Variants in RPSA2 observed in about 807,000 individuals in gnomAD.
RPSA2 encodes the protein ribosomal protein SA 2, also known as small ribosomal subunit protein uS2B.
At chr19:23,853,334 A>G in the RPSA2 span, among the ~76,000 whole-genome samples, 12 of 151,700 alleles carry the variant, frequency 7.9e-5, no homozygotes, top group Non-Finnish European at 1.0e-4. Context: ...CCCTTAAATC[A>G]GTTACCATCC....
the RPSA2 span, among the ~76,000 whole-genome samples, chr19:23,790,240 A>G: frequency 6.6e-6 from 1 of 151,680 alleles, no homozygotes; most frequent in Non-Finnish European, 1.5e-5. Flanking sequence ...CTCGTGATCC[A>G]CCCGCCTAGG....
the RPSA2 span, among the ~76,000 whole-genome samples, chr19:23,812,187 G>C: frequency 1.3e-5 from 2 of 151,718 alleles, no homozygotes; most frequent in African/African-American, 4.8e-5. Context: ...TTGTGTTTTT[G>C]GTTTTACTTA....
chr19:23,867,130 C>T, the RPSA2 span, among the ~76,000 whole-genome samples: 1 of 152,136 alleles, frequency 6.6e-6, no homozygotes, highest in African/African-American at 2.4e-5. Context: ...CTCTAATAGA[C>T]CCACCTGTTT....
chr19:23,792,698 A>G, the RPSA2 span, among the ~76,000 whole-genome samples: 16 of 151,012 alleles, frequency 1.1e-4, no homozygotes, highest in African/African-American at 3.9e-4. Context: ...TATTTTTAGT[A>G]GAGACGGGCT....
the RPSA2 span, among the ~76,000 whole-genome samples, chr19:23,857,603 G>A: frequency 1.4e-5 from 2 of 143,418 alleles, no homozygotes; most frequent in South Asian, 2.2e-4. Context: ...AGATTCTCCT[G>A]CCTCAGCCTC....
the RPSA2 span, among the ~76,000 whole-genome samples, chr19:23,844,358 A>T: frequency 6.6e-6 from 1 of 152,218 alleles, no homozygotes; most frequent in East Asian, 1.9e-4. Flanking sequence ...ATGCAAGTAT[A>T]GGTATCATTT....
At chr19:23,865,145 C>A in the RPSA2 span, among the ~76,000 whole-genome samples, 1 of 152,120 alleles carries the variant, frequency 6.6e-6, no homozygotes, top group Non-Finnish European at 1.5e-5. Context: ...TGAATGGGGA[C>A]CCCAGGACAA....
chr19:23,843,487 C>T, the RPSA2 span, among the ~76,000 whole-genome samples: 2 of 152,118 alleles, frequency 1.3e-5, no homozygotes, highest in Non-Finnish European at 2.9e-5. Flanking sequence ...TAGTGATTTT[C>T]CTTTGAGGGT....
chr19:23,829,927 A>G, the RPSA2 span, among the ~76,000 whole-genome samples: 6 of 152,180 alleles, frequency 3.9e-5, no homozygotes, highest in African/African-American at 9.7e-5. Flanking sequence ...ATGTATTTTT[A>G]TATAATTATG....
the RPSA2 span, among the ~76,000 whole-genome samples, chr19:23,810,362 C>T: frequency 5.0e-5 from 7 of 140,564 alleles, no homozygotes; most frequent in Non-Finnish European, 1.0e-4. Context: ...CCACTGCACT[C>T]CAGCCTGGGT....
the RPSA2 span, among the ~76,000 whole-genome samples, chr19:23,845,789 G>A: frequency 6.6e-6 from 1 of 152,190 alleles, no homozygotes. Flanking sequence ...ACCACCTCTG[G>A]CTGGCCATCC....
chr19:23,761,771 A>G, the RPSA2 span, among the ~76,000 whole-genome samples: 45 of 151,888 alleles, frequency 3.0e-4, 1 homozygote, highest in Admixed American at 3.3e-4. Context: ...TAGTGAGAGT[A>G]ATCCAGTGAT....
At chr19:23,862,058 A>T in the RPSA2 span, among the ~76,000 whole-genome samples, 2 of 151,936 alleles carry the variant, frequency 1.3e-5, no homozygotes, top group Non-Finnish European at 2.9e-5. Flanking sequence ...TTCATTGAGC[A>T]GTGGTTTGTA....
At chr19:23,787,730 C>T in the RPSA2 span, among the ~76,000 whole-genome samples, 6 of 152,184 alleles carry the variant, frequency 3.9e-5, no homozygotes, top group Admixed American at 1.3e-4. Flanking sequence ...CCTTTCACAG[C>T]ATATGGTTGA....
the RPSA2 span, chr19:23,832,860 G>A: frequency 3.8e-6 from 6 of 1,580,324 alleles, no homozygotes; most frequent in Non-Finnish European, 4.3e-6. Context: ...CTACACATAA[G>A]AGAATTCATA....
chr19:23,868,126 A>T, the RPSA2 span, among the ~76,000 whole-genome samples: 3 of 152,166 alleles, frequency 2.0e-5, no homozygotes, highest in Non-Finnish European at 4.4e-5. Context: ...CACAAATTAA[A>T]CCAATGGGTG....
the RPSA2 span, among the ~76,000 whole-genome samples, chr19:23,856,707 A>G: frequency 6.6e-6 from 1 of 152,086 alleles, no homozygotes. Flanking sequence ...TAAAGAGTAC[A>G]AAGGTAGGAA....
chr19:23,852,981 T>C, the RPSA2 span, among the ~76,000 whole-genome samples: 5 of 152,218 alleles, frequency 3.3e-5, 1 homozygote, highest in Admixed American at 2.0e-4. Context: ...TAACAGTCAA[T>C]TCTTTGTCAG....
At chr19:23,793,196 A>C in the RPSA2 span, among the ~76,000 whole-genome samples, 3 of 123,402 alleles carry the variant, frequency 2.4e-5, no homozygotes, top group Non-Finnish European at 5.0e-5. Context: ...GTCATAATGG[A>C]AAGAGGTGGC....
Sources: gnomAD v4.1 joint callset for allele counts (sites outside exome capture counted in the v4.1 genomes callset) on GRCh38, gnomAD v4.1.1 for gene constraint, MANE v1.5 for transcripts, NCBI Gene and HGNC (gene_info 2026-07-23, HGNC 2026-07-21) for gene names.